The following LRP12 variants were observed in gnomAD, a reference collection of about 807,000 sequenced individuals.
The protein encoded by LRP12 is LDL receptor related protein 12.
LRP12 carries 14 observed loss-of-function variants against 66.0 expected under a neutral mutation model. The observed-to-expected ratio is 0.21, with a 90% CI of 0.14 to 0.33. The LOEUF (loss-of-function observed/expected upper bound fraction) is 0.33, where lower values mean the gene tolerates loss of function less well. Ranked by LOEUF, LRP12 falls within the 10% of genes least tolerant of loss-of-function variation. The probability of loss-of-function intolerance (pLI) is 1.00; values close to 1 mark genes in which losing one functional copy is unlikely to be tolerated. For synonymous variants in LRP12, 357 were observed against 359.1 expected (o/e 0.99, Z 0.07); for missense variants, 889 against 1,053.4 (o/e 0.84, Z 2.16).
intron 2 of LRP12, among the ~76,000 whole-genome samples, chr8:104,526,532 T>C (rs1811242296): frequency 1.4e-5 from 2 of 147,364 alleles, no homozygotes; most frequent in African/African-American, 2.6e-5. Context: ...ATGCTGCATA[T>C]CTACAACTAT....
chr8:104,516,066 TTG>T (rs1318003896), intron 2 of LRP12, among the ~76,000 whole-genome samples: 16 of 152,216 alleles, frequency 1.1e-4, no homozygotes, highest in Non-Finnish European at 1.9e-4. Flanking sequence ...TATCAACTTT[TTG>T]TTTTACAAAC....
intron 1 of LRP12, among the ~76,000 whole-genome samples, chr8:104,555,568 G>A (rs1458427644): frequency 3.3e-5 from 5 of 151,724 alleles, no homozygotes; most frequent in African/African-American, 1.2e-4. Flanking sequence ...ACACAAAGAG[G>A]GACATTATAT....
intron 1 of LRP12, among the ~76,000 whole-genome samples, chr8:104,575,159 T>C (rs1190763442): frequency 2.0e-5 from 3 of 152,206 alleles, no homozygotes; most frequent in Non-Finnish European, 4.4e-5. Context: ...CCAGATCCCC[T>C]GCCCCTGAGT....
chr8:104,554,731 G>C (rs1301981405), intron 1 of LRP12, among the ~76,000 whole-genome samples: 1 of 152,112 alleles, frequency 6.6e-6, no homozygotes, highest in Non-Finnish European at 1.5e-5. Context: ...AAACTTCCCT[G>C]ACTTTGCTAG....
chr8:104,580,084 C>G (rs1169513113), intron 1 of LRP12, among the ~76,000 whole-genome samples: 1 of 152,150 alleles, frequency 6.6e-6, no homozygotes, highest in Admixed American at 6.5e-5. Flanking sequence ...CAAATGGAAT[C>G]TAATTAAACT....
chr8:104,510,213 G>C (rs1021849291), intron 2 of LRP12, among the ~76,000 whole-genome samples: 2 of 152,190 alleles, frequency 1.3e-5, no homozygotes, highest in African/African-American at 4.8e-5. Context: ...ATGCTGGATT[G>C]TAATTTTTGT....
At chr8:104,556,990 A>G (rs917301300) in intron 1 of LRP12, among the ~76,000 whole-genome samples, 4 of 152,208 alleles carry the variant, frequency 2.6e-5, no homozygotes, top group Admixed American at 2.6e-4. Context: ...TACACCACAT[A>G]AACAAAAATT....
rs1232198980 is a variant in LRP12, at chr8:104,490,555, A to G, written c.*118T>C. On this transcript the variant is annotated 3_prime_UTR_variant, in exon 7 of 7. Transcript: ENST00000276654. ...TAACCATGCAGGCTAACATATAATA[A>G]TAAGAAATCACCCTGCATTTTTTCT... 66 of 1,180,196 alleles carry G rather than the reference A, an allele frequency of 5.6e-5. 2 individuals are homozygous for G. In the Admixed American group the frequency reaches 1.5e-3, roughly 27 times the overall value. The allele number at this position is 1,180,196 out of a possible 1,614,324, so 73.1% of individuals were successfully genotyped here.
chr8:104,562,284 TA>T (rs1811924203), intron 1 of LRP12, among the ~76,000 whole-genome samples: 1 of 152,192 alleles, frequency 6.6e-6, no homozygotes. Flanking sequence ...GTATTATTTT[TA>T]ATGAGAGCCT....
At position 104,490,644 on chromosome 8, in the gene LRP12, G is replaced by A. The variant is rs772389854; in HGVS notation, c.*29C>T. 1.9e-6 allele frequency: 3 copies of A among 1,555,624 alleles called. No homozygotes were observed. Among genetic ancestry groups the A allele is most frequent in the East Asian group, 4.5e-5 (2 of 44,378 alleles). On this transcript the variant is annotated 3_prime_UTR_variant, in exon 7 of 7. Transcript: ENST00000276654. ...TAATAAATGGATATTGCTCCAACTTGTATACAATCTCCCTTATGTGATTCG... is the reference window on the plus strand; with the variant it reads ...TAATAAATGGATATTGCTCCAACTTATATACAATCTCCCTTATGTGATTCG...
chr8:104,508,828 C>T lies in LRP12; in HGVS notation c.272+111G>A, dbSNP rs1050989784. The T allele has an allele frequency of 5.3e-6, 5 of 937,632 alleles. No homozygotes were observed. The African/African-American group carries it at 8.3e-5, about 16-fold the overall frequency. The allele number at this position is 937,632 out of a possible 1,614,324, so 58.1% of individuals were successfully genotyped here. On this transcript the variant is annotated intron_variant, in intron 3 of 6. Coordinates refer to ENST00000276654, the MANE Select transcript of LRP12 (RefSeq NM_013437.5). ...AATAGCTAATAGCTGTTCTTTATTA[C>T]ATCTCCTGAAAAGCCTTCTTTTTAT...
At chr8:104,536,442 G>T (rs950279436) in intron 1 of LRP12, among the ~76,000 whole-genome samples, 5 of 151,788 alleles carry the variant, frequency 3.3e-5, no homozygotes, top group Non-Finnish European at 5.9e-5. Context: ...TTTTGGGGTG[G>T]GGGGAGTATT....
intron 1 of LRP12, among the ~76,000 whole-genome samples, chr8:104,547,572 T>A: frequency 8.0e-6 from 1 of 124,464 alleles, no homozygotes; most frequent in Non-Finnish European, 1.6e-5. Flanking sequence ...TATTAATAAT[T>A]ATTATATATT....
At chr8:104,538,468 G>A (rs181383798) in intron 1 of LRP12, among the ~76,000 whole-genome samples, 37 of 152,018 alleles carry the variant, frequency 2.4e-4, no homozygotes, top group African/African-American at 8.2e-4. Context: ...AAATTTCAAG[G>A]CTCAATTAAA....
At chr8:104,564,200 A>G (rs758416762) in intron 1 of LRP12, among the ~76,000 whole-genome samples, 8 of 152,196 alleles carry the variant, frequency 5.3e-5, no homozygotes, top group Non-Finnish European at 7.4e-5. Flanking sequence ...AAAAGAATAT[A>G]TATCACATAC....
At chr8:104,581,397 T>A (rs150818544) in intron 1 of LRP12, among the ~76,000 whole-genome samples, 1 of 152,302 alleles carries the variant, frequency 6.6e-6, no homozygotes, top group East Asian at 1.9e-4. Context: ...CACTAGGTGA[T>A]GAAATAATCT....
At position 104,587,192 on chromosome 8, in the gene LRP12, T is replaced by G. The variant is rs139991185; in HGVS notation, c.79+1627A>C. Among the ~76,000 whole-genome samples the G allele has an allele frequency of 4.4e-4, 67 of 152,304 alleles. No homozygotes were observed. The East Asian group carries it at 0.01, about 23-fold the overall frequency. On this transcript the variant is annotated intron_variant, in intron 1 of 6. Coordinates refer to ENST00000276654, the MANE Select transcript of LRP12 (RefSeq NM_013437.5). ...TATTCTGATCGGACATCACAGAAAT[T>G]CAATGCTTATTATAGTAGAGGACAA...
chr8:104,541,336 T>A (rs1360797145), intron 1 of LRP12, among the ~76,000 whole-genome samples: 1 of 152,150 alleles, frequency 6.6e-6, no homozygotes, highest in Non-Finnish European at 1.5e-5. Flanking sequence ...GAGCTACTGA[T>A]AAAAGAGCTC....
intron 2 of LRP12, among the ~76,000 whole-genome samples, chr8:104,531,038 C>T (rs536223728): frequency 6.6e-6 from 1 of 152,136 alleles, no homozygotes; most frequent in Admixed American, 6.6e-5. Flanking sequence ...TATTAACTTT[C>T]TGAATACAAA....
Sources: allele counts gnomAD v4.1 joint callset (sites outside exome capture counted in the v4.1 genomes callset), GRCh38; gene constraint gnomAD v4.1.1; transcripts MANE v1.5; gene names NCBI Gene and HGNC (gene_info 2026-07-23, HGNC 2026-07-21).